CACNA1I: variants seen among roughly 807,000 people sequenced by gnomAD.
CACNA1I encodes voltage-dependent T-type calcium channel subunit alpha-1I.
Under a neutral mutation model 201.6 loss-of-function variants are expected in CACNA1I, and 74 were observed. The ratio of observed to expected loss-of-function variants is 0.37; its 90% CI spans 0.30 to 0.45. The LOEUF (loss-of-function observed/expected upper bound fraction) is 0.45, where lower values mean the gene tolerates loss of function less well. CACNA1I is among the 20% of genes least tolerant of loss of function. The pLI is 1.00. For synonymous variants in CACNA1I, 1,431 were observed against 1,345.2 expected (o/e 1.06, Z -1.40); for missense variants, 2,346 against 3,138.1 (o/e 0.75, Z 6.03).
chr22:39,664,298 C>A lies in CACNA1I; in HGVS notation c.3666+139C>A. 2.9e-6 allele frequency: 2 copies of A among 695,912 alleles called. 1 individual carries two copies. Among genetic ancestry groups the A allele is most frequent in the South Asian group, 3.5e-5 (2 of 57,810 alleles). 43.1% of individuals were successfully genotyped at this position (695,912 alleles called of 1,614,324 possible). On this transcript the variant is annotated intron_variant, in intron 20 of 36. Coordinates refer to ENST00000402142, the MANE Select transcript of CACNA1I (RefSeq NM_021096.4). ...GCCCCATGGCCCACCCCTCTGGGTGCCAGCCCCGGGGCTGGGCTCCCGCGA... is the reference window on the plus strand; with the variant it reads ...GCCCCATGGCCCACCCCTCTGGGTGACAGCCCCGGGGCTGGGCTCCCGCGA...
At chr22:39,581,774 C>CT (rs1932558007) in intron 1 of CACNA1I, among the ~76,000 whole-genome samples, 1 of 152,192 alleles carries the variant, frequency 6.6e-6, no homozygotes, top group African/African-American at 2.4e-5. Context: ...ATCAATAAGT[C>CT]TTTTTAATCA....
At chr22:39,577,472 G>A (rs1403091534) in intron 1 of CACNA1I, among the ~76,000 whole-genome samples, 1 of 152,266 alleles carries the variant, frequency 6.6e-6, no homozygotes, top group Admixed American at 6.5e-5. Context: ...GCCCCTCGAA[G>A]CCCAGTCTTG....
intron 6 of CACNA1I, among the ~76,000 whole-genome samples, chr22:39,641,905 T>G (rs1934360641): frequency 6.6e-6 from 1 of 152,132 alleles, no homozygotes; most frequent in Admixed American, 6.5e-5. Flanking sequence ...CCCCTCACCT[T>G]GGGTCATTGT....
chr22:39,580,656 GC>G (rs1932519204), intron 1 of CACNA1I, among the ~76,000 whole-genome samples: 2 of 152,182 alleles, frequency 1.3e-5, no homozygotes, highest in South Asian at 4.1e-4. Context: ...TGGGGCAGGG[GC>G]TGGATGGCAG....
intron 3 of CACNA1I, among the ~76,000 whole-genome samples, chr22:39,605,509 T>A (rs917473427): frequency 1.3e-5 from 2 of 152,322 alleles, no homozygotes; most frequent in South Asian, 2.1e-4. Context: ...AATCGACCTT[T>A]ATTGAGCATC....
intron 3 of CACNA1I, among the ~76,000 whole-genome samples, chr22:39,614,768 T>TC (rs1228384955): frequency 6.6e-6 from 1 of 152,140 alleles, no homozygotes; most frequent in Admixed American, 6.6e-5. Context: ...AGAAATGGTG[T>TC]CCACCCTCCC....
At chr22:39,588,743 T>A (rs1161654371) in intron 1 of CACNA1I, among the ~76,000 whole-genome samples, 2 of 152,172 alleles carry the variant, frequency 1.3e-5, no homozygotes, top group African/African-American at 4.8e-5. Context: ...AAGAAGAACA[T>A]CTCCAGTCCT....
chr22:39,662,829 C>G lies in CACNA1I; in HGVS notation c.3426C>G (p.Cys1142Trp). The change falls in exon 18 of 37, where the codon TGC becomes TGG. Residue 1142 changes from cysteine to tryptophan, a missense_variant. Cys to Trp is a radical substitution (Grantham distance 215). This residue lies in a region of CACNA1I where 158 missense variants were observed against 231.6 expected (regional missense o/e 0.68). Transcript: ENST00000402142. ...TCGACGTCTATAAGCCCGACTGGTG[C>G]GAGGTCCGCGAAGACTGGTCTGTCT... is the stretch of plus-strand genomic sequence containing the variant. ...KMIDVYKPDW[C>W]EVREDWSVYL... 6.2e-7 allele frequency: 1 copy of G among 1,602,120 alleles called. No individual in the cohort carries two copies. The highest frequency in any genetic ancestry group is 1.1e-5 in the South Asian group (1 of 88,308).
chr22:39,607,186 G>A (rs998490685), intron 3 of CACNA1I, among the ~76,000 whole-genome samples: 2 of 152,194 alleles, frequency 1.3e-5, no homozygotes, highest in Non-Finnish European at 2.9e-5. Context: ...CAGAGAACAG[G>A]AGGCGCCTTA....
intron 1 of CACNA1I, among the ~76,000 whole-genome samples, chr22:39,588,128 A>ATTTTTTTTTTT (rs35332612): frequency 2.2e-5 from 2 of 90,564 alleles, no homozygotes; most frequent in Non-Finnish European, 4.2e-5. Context: ...GTTGCTCTTC[A>ATTTTTTTTTTT]TTTTTTTTTT....
Position 39,682,567 on chromosome 22 carries a change from G to T in CACNA1I, c.5736G>T (p.Thr1912=), listed in dbSNP as rs1037560351. 3.1e-6 allele frequency: 5 copies of T among 1,613,534 alleles called. No homozygotes were observed. In the African/African-American group the frequency reaches 5.3e-5, roughly 17 times the overall value. ...AATGCTTCTTCCCCTTGTCCTCTAC[G>T]GCCGTCTCGCCGGATCCAGAGAACT... ...LGECFFPLSS[T]AVSPDPENFL... is the part of the protein sequence containing the mutation. Residue 1912 remains threonine, a synonymous_variant, in exon 35 of 37, where the codon ACG becomes ACT. Transcript: ENST00000402142.
rs909309742 is a variant in CACNA1I, at chr22:39,648,922, C to T, written c.1568-579C>T. On this transcript the variant is annotated intron_variant, in intron 9 of 36. Coordinates refer to ENST00000402142, the MANE Select transcript of CACNA1I (RefSeq NM_021096.4). The surrounding 1 kb of genome is among the most constrained non-coding windows in gnomAD (Gnocchi z 5.4). ...CCGCTGCCCCCACCTCCACCCCTTG[C>T]GTGGAGGGAAGTCCCAGGGGCTTCT... Among the ~76,000 whole-genome samples the T allele has an allele frequency of 3.9e-5, 6 of 152,136 alleles. No individual in the cohort carries two copies. Among genetic ancestry groups the T allele is most frequent in the South Asian group, 2.1e-4 (1 of 4,822 alleles).
At position 39,686,003 on chromosome 22, in the gene CACNA1I, G is replaced by A; in HGVS notation, c.6270G>A (p.Gly2090=). ...LRAHQRSHSS[G]GSTSPGCTHH... ...CGCATCAGCGCAGCCACAGCAGCGGGGGCTCCACCAGCCCGGGCTGCACCC... is the reference window on the plus strand; with the variant it reads ...CGCATCAGCGCAGCCACAGCAGCGGAGGCTCCACCAGCCCGGGCTGCACCC... Residue 2090 remains glycine, a synonymous_variant, in exon 37 of 37, where the codon GGG becomes GGA. Coordinates refer to ENST00000402142, the MANE Select transcript of CACNA1I (RefSeq NM_021096.4). 8.0e-7 allele frequency: 1 copy of A among 1,244,662 alleles called. No homozygotes were observed. The highest frequency in any genetic ancestry group is 1.0e-6 in the Non-Finnish European group (1 of 999,364). The allele number at this position is 1,244,662 out of a possible 1,614,324, so 77.1% of individuals were successfully genotyped here. A position where few individuals can be genotyped will look rare whatever the true frequency, so the allele number is the denominator to read the frequency against.
At chr22:39,663,463 T>C (rs1935089444) in intron 18 of CACNA1I, among the ~76,000 whole-genome samples, 1 of 152,096 alleles carries the variant, frequency 6.6e-6, no homozygotes, top group Non-Finnish European at 1.5e-5. Context: ...CCTGACAGGC[T>C]CAGGGATCTG....
intron 4 of CACNA1I, among the ~76,000 whole-genome samples, chr22:39,620,693 G>T (rs911973597): frequency 6.6e-6 from 1 of 152,152 alleles, no homozygotes; most frequent in Non-Finnish European, 1.5e-5. Context: ...ACTGGGGAAA[G>T]AGAGGATGAG....
At chr22:39,656,726 G>T (rs1418605399) in intron 10 of CACNA1I, 4 of 519,040 alleles carry the variant, frequency 7.7e-6, no homozygotes, top group South Asian at 5.6e-5. Context: ...AGTCCAGCTT[G>T]GTTCAGTGCC....
rs1935871676 is a variant in CACNA1I at position 39,686,241 on chromosome 22, C to G, written c.6508C>G (p.Leu2170Val). The change falls in exon 37 of 37, where the codon CTG (leucine) becomes GTG (valine). Residue 2170 changes from leucine (L) to valine (V), a missense_variant. By Grantham distance (32) the Leu-to-Val change is conservative. Transcript: ENST00000402142. The stretch of plus-strand genomic sequence containing the variant: ...CCCCGGCCGCCCCCACGCCGCCGCC[C>G]TGGCCCACGGCCTGGCCCGGAGCCC... ...AAPGRPHAAA[L>V]AHGLARSPSW... 2 of 1,251,198 alleles carry G rather than the reference C, an allele frequency of 1.6e-6. No individual in the cohort carries two copies. Among genetic ancestry groups the G allele is most frequent in the African/African-American group, 3.2e-5 (2 of 63,302 alleles). 77.5% of individuals were successfully genotyped at this position (1,251,198 alleles called of 1,614,324 possible). A position where few individuals can be genotyped will look rare whatever the true frequency, so the allele number is the denominator to read the frequency against.
In CACNA1I at chr22:39,686,194, GC is replaced by G; in HGVS notation, c.6462del (p.Ser2154ArgfsTer118). 7.9e-7 allele frequency: 1 copy of G among 1,272,474 alleles called. No individual in the cohort carries two copies. Among genetic ancestry groups the G allele is most frequent in the Non-Finnish European group, 9.9e-7 (1 of 1,010,058 alleles). The allele number at this position is 1,272,474 out of a possible 1,614,324, so 78.8% of individuals were successfully genotyped here. A position where few individuals can be genotyped will look rare whatever the true frequency, so the allele number is the denominator to read the frequency against. On this transcript the variant is annotated frameshift_variant, in exon 37 of 37. Transcript: ENST00000402142. LOFTEE classifies it low-confidence loss of function (END_TRUNC). Reference protein sequence around the residue: ...APGLTPARKFSSTSSLAAPGR... With the variant: ...APGLTPARKFXSTSSLAAPGR... ...GGCCTCACGCCCGCCAGGAAGTTCA[GC>G]AGCACCAGCAGCCTGGCCGCCCCCG...
chr22:39,670,406 G>A (rs1277838205), intron 25 of CACNA1I, among the ~76,000 whole-genome samples, 176 bp downstream of exon 25: 6 of 152,322 alleles, frequency 3.9e-5, no homozygotes, highest in African/African-American at 1.4e-4. Context: ...AGCCCCATCA[G>A]TGTCCATCCA....
Sources: gnomAD v4.1 joint callset for allele counts (sites outside exome capture counted in the v4.1 genomes callset) on GRCh38, gnomAD v4.1.1 for gene constraint, gnomAD v4.1.1 regional missense constraint, Gnocchi (gnomAD v3.1) non-coding constraint, MANE v1.5 for transcripts, NCBI Gene and HGNC (gene_info 2026-07-23, HGNC 2026-07-21) for gene names.